ALB: variants seen among roughly 807,000 people sequenced by gnomAD.
The protein encoded by ALB is serum albumin.
A neutral mutation model predicts 74.5 loss-of-function variants in ALB; 37 were observed. The ratio of observed to expected loss-of-function variants is 0.50; its 90% CI spans 0.38 to 0.65. The LOEUF (loss-of-function observed/expected upper bound fraction) is 0.65, where lower values mean the gene tolerates loss of function less well. Among genes scored for constraint, ALB ranks in the 30% least tolerant of loss-of-function variants. The pLI, the probability that ALB is intolerant of heterozygous loss-of-function variation, is 0.00. For synonymous variants in ALB, 249 were observed against 251.6 expected (o/e 0.99, Z 0.10); for missense variants, 685 against 718.7 (o/e 0.95, Z 0.54).
intron 4 of ALB, chr4:73,409,068 C>T (rs998598295): frequency 3.3e-5 from 19 of 567,638 alleles, no homozygotes; most frequent in South Asian, 1.1e-4. Context: ...TAATGTATTA[C>T]GAAGATATGT....
chr4:73,406,738 G>A lies in ALB; in HGVS notation c.247G>A (p.Ala83Thr). Residue 83 changes from alanine (A) to threonine (T), a missense_variant, in exon 3 of 15, where the codon GCT (alanine) becomes ACT (threonine). Coordinates refer to ENST00000295897, the MANE Select transcript of ALB (RefSeq NM_000477.7). Reference protein sequence around the residue: ...FAKTCVADESAENCDKSLHTL... With the variant: ...FAKTCVADESTENCDKSLHTL... ...AAAAACATGTGTTGCTGATGAGTCA[G>A]CTGAAAATTGTGACAAATCACTTGT... is the stretch of plus-strand genomic sequence containing the variant. 5 of 1,613,832 alleles carry A rather than the reference G, an allele frequency of 3.1e-6. No homozygotes were observed. Among genetic ancestry groups the A allele is most frequent in the Non-Finnish European group, 4.2e-6 (5 of 1,179,936 alleles).
intron 12 of ALB, 34 bp from the exon 13 acceptor site, chr4:73,419,473 T>TG: frequency 1.3e-6 from 2 of 1,585,286 alleles, no homozygotes; most frequent in Non-Finnish European, 1.7e-6. Flanking sequence ...ATGTTTTTTC[T>TG]GTTTTTTTTT....
At chr4:73,418,427 G>A (rs1719072270) in intron 12 of ALB, 116 bp downstream of exon 12, 1 of 913,894 alleles carries the variant, frequency 1.1e-6, no homozygotes, top group Non-Finnish European at 1.7e-6. Flanking sequence ...AAGTATTGGA[G>A]TGTTGCCCTT....
intron 3 of ALB, among the ~76,000 whole-genome samples, chr4:73,408,236 A>G (rs909520912): frequency 6.6e-6 from 1 of 152,208 alleles, no homozygotes; most frequent in African/African-American, 2.4e-5. Flanking sequence ...TTTCTCCCCT[A>G]GGTGAATTCA....
chr4:73,409,179 C>T lies in ALB; in HGVS notation c.483-176C>T, dbSNP rs982842232. 26 of 704,124 alleles carry T rather than the reference C, an allele frequency of 3.7e-5. No individual in the cohort carries two copies. In the African/African-American group the frequency reaches 4.1e-4, roughly 11 times the overall value. The allele number at this position is 704,124 out of a possible 1,614,324, so 43.6% of individuals were successfully genotyped here. On this transcript the variant is annotated intron_variant, in intron 4 of 14. Coordinates refer to ENST00000295897, the MANE Select transcript of ALB (RefSeq NM_000477.7). ...CACACACACACACACACACTTAACC[C>T]TTTTTTCCACATACTTAAAGAATGA...
chr4:73,406,191 C>G lies in ALB; in HGVS notation c.138-438C>G, dbSNP rs556624668. Among the ~76,000 whole-genome samples, 4 of 152,208 alleles carry G rather than the reference C, an allele frequency of 2.6e-5. No homozygotes were observed. The South Asian group carries it at 8.3e-4, about 32-fold the overall frequency. On this transcript the variant is annotated intron_variant, in intron 2 of 14. Coordinates refer to ENST00000295897, the MANE Select transcript of ALB (RefSeq NM_000477.7). ...GGAGGATCGTTTGGACCTGAGAGGTCAAGGCTACAGTGAGCCATGATTGTG... is the reference window on the plus strand; with the variant it reads ...GGAGGATCGTTTGGACCTGAGAGGTGAAGGCTACAGTGAGCCATGATTGTG...
At chr4:73,414,889 C>A in intron 8 of ALB, 146 bp from the exon 9 acceptor site, 1 of 961,024 alleles carries the variant, frequency 1.0e-6, no homozygotes, top group Non-Finnish European at 1.6e-6. Context: ...TAACTCTGGA[C>A]CCCAAGTCCT....
chr4:73,412,455 C>CT (rs1718903815), intron 7 of ALB, among the ~76,000 whole-genome samples: 1 of 151,100 alleles, frequency 6.6e-6, no homozygotes, highest in Non-Finnish European at 1.5e-5. Flanking sequence ...ATTTTTTTTT[C>CT]TTTTTTTAAG....
At chr4:73,406,789 T>C (rs552212414) in intron 3 of ALB, 28 bp downstream of exon 3, 7 of 1,612,822 alleles carry the variant, frequency 4.3e-6, no homozygotes, top group Non-Finnish European at 5.9e-6. Flanking sequence ...GTGGAGATTC[T>C]TTCTTCTGTT....
intron 8 of ALB, 124 bp downstream of exon 8, chr4:73,413,758 C>A (rs1013735882): frequency 1.1e-6 from 1 of 933,636 alleles, no homozygotes; most frequent in Non-Finnish European, 1.7e-6. Context: ...CTTCATCCTT[C>A]CCTTTCCCAG....
At chr4:73,411,173 AC>A (rs1456098927) in intron 6 of ALB, among the ~76,000 whole-genome samples, 1 of 152,158 alleles carries the variant, frequency 6.6e-6, no homozygotes, top group African/African-American at 2.4e-5. Flanking sequence ...CTCTCTAGAA[AC>A]TGTCAATTGA....
chr4:73,417,788 TGTGTGTGTGCATGCAC>T, intron 11 of ALB, 119 bp downstream of exon 11: 3 of 965,482 alleles, frequency 3.1e-6, no homozygotes, highest in Non-Finnish European at 4.6e-6. Context: ...TTTGTGTGCA[TGTGTGTGTGCATGCAC>T]GTGTGTGTAT....
chr4:73,410,174 G>A lies in ALB; in HGVS notation c.616-138G>A, dbSNP rs1718835694. The stretch of plus-strand genomic sequence containing the variant: ...TTCTTAGAGAGCAAAATCATTATTC[G>A]CTAAAGGGAGTACTTGGGAATTTAG... On this transcript the variant is annotated intron_variant, in intron 5 of 14. Transcript: ENST00000295897. The A allele has an allele frequency of 8.6e-6, 6 of 694,978 alleles. 1 individual carries two copies. The highest frequency in any genetic ancestry group is 4.9e-5 in the South Asian group (3 of 61,704). 43.1% of individuals were successfully genotyped at this position (694,978 alleles called of 1,614,324 possible).
intron 7 of ALB, among the ~76,000 whole-genome samples, chr4:73,412,634 G>A (rs190391520): frequency 4.3e-4 from 66 of 151,980 alleles, no homozygotes; most frequent in Non-Finnish European, 5.6e-4. Context: ...TAGTAGAGGC[G>A]GGGTTTCACC....
intron 8 of ALB, 47 bp downstream of exon 8, chr4:73,413,681 C>A (rs1297217482): frequency 1.3e-6 from 2 of 1,571,100 alleles, no homozygotes; most frequent in East Asian, 2.2e-5. Context: ...CATGACCTCA[C>A]AACTTAGGAG....
At chr4:73,417,160 C>T (rs1719032493) in intron 10 of ALB, among the ~76,000 whole-genome samples, 1 of 152,154 alleles carries the variant, frequency 6.6e-6, no homozygotes, top group African/African-American at 2.4e-5. Context: ...TGAACTATCC[C>T]TATTGAGTCA....
intron 4 of ALB, chr4:73,409,151 A>ACC: frequency 1.7e-6 from 1 of 571,474 alleles, no homozygotes; most frequent in Non-Finnish European, 3.1e-6. Context: ...ATTTATGCAC[A>ACC]CACACACACA....
intron 10 of ALB, among the ~76,000 whole-genome samples, chr4:73,417,063 G>T (rs1226562552): frequency 6.6e-6 from 1 of 152,078 alleles, no homozygotes; most frequent in African/African-American, 2.4e-5. Context: ...ACTTTTAATG[G>T]TGACTGGCAT....
intron 9 of ALB, among the ~76,000 whole-genome samples, chr4:73,415,779 A>G (rs963981927): frequency 6.6e-6 from 1 of 152,156 alleles, no homozygotes; most frequent in African/African-American, 2.4e-5. Context: ...AAAATCTCTC[A>G]TTTTGGAGAG....
Sources: gnomAD v4.1 joint callset for allele counts (sites outside exome capture counted in the v4.1 genomes callset) on GRCh38, gnomAD v4.1.1 for gene constraint, MANE v1.5 for transcripts, NCBI Gene and HGNC (gene_info 2026-07-23, HGNC 2026-07-21) for gene names.